LRRC37B: variants seen among roughly 807,000 people sequenced by gnomAD.
LRRC37B encodes the protein leucine-rich repeat-containing protein 37B.
LRRC37B carries 28 observed loss-of-function variants against 98.3 expected under a neutral mutation model. The ratio of observed to expected loss-of-function variants is 0.28; its 90% CI spans 0.21 to 0.39. The LOEUF (loss-of-function observed/expected upper bound fraction) is 0.39, where lower values mean the gene tolerates loss of function less well. LRRC37B is among the 10% of genes least tolerant of loss of function. The probability of loss-of-function intolerance (pLI) is 1.00; values close to 1 mark genes in which losing one functional copy is unlikely to be tolerated. For synonymous variants in LRRC37B, 364 were observed against 442.7 expected (o/e 0.82, Z 2.23); for missense variants, 938 against 1,182.7 (o/e 0.79, Z 3.03).
At chr17:32,045,842 A>G in intron 8 of LRRC37B, 24 bp downstream of exon 11, 1 of 1,588,748 alleles carries the variant, frequency 6.3e-7, no homozygotes, top group Non-Finnish European at 8.5e-7. Flanking sequence ...GCCTGGTGAT[A>G]AATTGTTACA....
In LRRC37B at chr17:32,021,873, G is replaced by A. The variant is rs780360456; in HGVS notation, c.808G>A (p.Val270Met). The A allele has an allele frequency of 3.1e-6, 5 of 1,614,132 alleles. No homozygotes were observed. In the South Asian group the frequency reaches 4.4e-5, roughly 14 times the overall value. The change falls in exon 1 of 12, where the codon GTG becomes ATG. Residue 270 changes from valine (V) to methionine (M), a missense_variant. Physicochemically the swap from Val to Met is conservative, Grantham distance 21. Around this residue, in one of 2 missense-constraint regions of LRRC37B, gnomAD observed 610 missense variants for 625.6 expected, o/e 0.98. Transcript: ENST00000327564. ...CGGCAGCCTACCTCCAGAACTCCGGGTGAACGCAGATGAGCCTCCAGGGCC... is the reference window on the plus strand; with the variant it reads ...CGGCAGCCTACCTCCAGAACTCCGGATGAACGCAGATGAGCCTCCAGGGCC...
rs201928531 is a variant in LRRC37B, at chr17:32,049,398, A to G, written c.2757+4A>G. 6.8e-4 allele frequency: 1,085 copies of G among 1,605,698 alleles called. No individual in the cohort carries two copies. The highest frequency in any genetic ancestry group is 8.6e-4 in the Non-Finnish European group (1,005 of 1,174,266). ...GAAAGAGCAGAAGTCAAGTGAGGTG[A>G]GGACCACACAGAAACATGAGACCCA... On this transcript the variant is annotated splice_donor_region_variant and intron_variant, in intron 10 of 11. Coordinates refer to ENST00000327564, the Ensembl canonical transcript of LRRC37B.
At chr17:32,052,427 A>T (rs1204724225) in intron 11 of LRRC37B, 1 of 152,002 alleles carries the variant, frequency 6.6e-6, no homozygotes, top group Non-Finnish European at 1.5e-5. Flanking sequence ...CCTTTTTTTC[A>T]TACTTTTAAG....
At chr17:32,022,965 C>A in intron 1 of LRRC37B, 140 bp downstream of exon 4, 2 of 759,442 alleles carry the variant, frequency 2.6e-6, no homozygotes. Context: ...CCTGTCAATT[C>A]TCCCTTCTCC....
chr17:32,035,164 C>T (rs1159364682), intron 6 of LRRC37B, among the ~76,000 whole-genome samples, 183 bp downstream of exon 9: 4 of 151,850 alleles, frequency 2.6e-5, no homozygotes, highest in Admixed American at 2.0e-4. Flanking sequence ...AGACAGCCAG[C>T]GGGGGAAGAG....
In LRRC37B at chr17:32,037,169, T is replaced by G. The variant is rs573346709; in HGVS notation, c.2204+1530T>G. Among the ~76,000 whole-genome samples, 781 of 151,952 alleles carry G rather than the reference T, an allele frequency of 5.1e-3. 5 individuals are homozygous for G. Among genetic ancestry groups the G allele is most frequent in the African/African-American group, 0.017 (724 of 41,452 alleles). Reference sequence around the variant, plus strand: ...CTAATTTTTATATTTTTAGTAGAGATAGGGTTTCACCATGTTGGCCAGGCT... The same window carrying G: ...CTAATTTTTATATTTTTAGTAGAGAGAGGGTTTCACCATGTTGGCCAGGCT... On this transcript the variant is annotated intron_variant, in intron 7 of 11. Coordinates refer to ENST00000327564, the Ensembl canonical transcript of LRRC37B.
intron 1 of LRRC37B, among the ~76,000 whole-genome samples, chr17:32,023,566 C>T (rs1403962512): frequency 6.6e-6 from 1 of 152,168 alleles, no homozygotes; most frequent in Non-Finnish European, 1.5e-5. Flanking sequence ...GCAAGTTATT[C>T]TGCTCTGTGA....
intron 1 of LRRC37B, 21 bp from the exon 5 acceptor site, chr17:32,024,690 A>C (rs761360726): frequency 5.0e-6 from 8 of 1,607,802 alleles, no homozygotes; most frequent in Non-Finnish European, 5.9e-6. Flanking sequence ...ATTCAAGGAT[A>C]TAAACTGTCT....
chr17:32,042,658 C>G (rs1476686831), intron 7 of LRRC37B: 1 of 152,740 alleles, frequency 6.5e-6, no homozygotes, highest in Non-Finnish European at 1.5e-5. Flanking sequence ...CATTCCCTTC[C>G]CCCTGAGGCC....
chr17:32,032,869 A>G (rs1911147722), intron 5 of LRRC37B, among the ~76,000 whole-genome samples: 1 of 152,182 alleles, frequency 6.6e-6, no homozygotes, highest in African/African-American at 2.4e-5. Flanking sequence ...GGAGTCCCAC[A>G]TCAGAATCTG....
At chr17:32,022,819 C>G in exon 1 of LRRC37B, 1 of 1,613,668 alleles carries the variant, frequency 6.2e-7, no homozygotes, top group Non-Finnish European at 8.5e-7. Flanking sequence ...GGCATCTTCA[C>G]CACCTTGTAA....
chr17:32,049,944 T>G lies in LRRC37B; in HGVS notation c.2758-59T>G, dbSNP rs1911700166. 9.4e-6 allele frequency: 10 copies of G among 1,063,954 alleles called. No homozygotes were observed. In the South Asian group the frequency reaches 1.2e-4, roughly 13 times the overall value. The allele number at this position is 1,063,954 out of a possible 1,614,324, so 65.9% of individuals were successfully genotyped here. ...GGGGTTTTGAAAAGTTAGCTTCCAT[T>G]CTCTCTCTCTTTTTTTTTAATTGTT... On this transcript the variant is annotated intron_variant, in intron 10 of 11. Transcript: ENST00000327564.
chr17:32,025,507 G>A (rs1195574289), intron 2 of LRRC37B, among the ~76,000 whole-genome samples: 1 of 151,442 alleles, frequency 6.6e-6, no homozygotes, highest in Non-Finnish European at 1.5e-5. Context: ...TAGATTTGTT[G>A]TGTGGTTTTT....
upstream of LRRC37B, among the ~76,000 whole-genome samples, chr17:32,016,456 C>T (rs904258325): frequency 3.9e-5 from 6 of 152,148 alleles, no homozygotes; most frequent in Admixed American, 1.3e-4. Flanking sequence ...CTTTGGCTTC[C>T]GTTTGCATCA....
chr17:32,022,289 T>TA lies in LRRC37B; in HGVS notation c.1225dup (p.Thr409AsnfsTer14). On this transcript the variant is annotated frameshift_variant, in exon 1 of 12. Coordinates refer to ENST00000327564, the Ensembl canonical transcript of LRRC37B. LOFTEE classifies it high-confidence loss of function. Reference sequence around the variant, plus strand: ...CTCCCGAGGAGGCGGAACCTTCTTCTACAGCCCTGAGGACTACAGATCCTC... The same window carrying TA: ...CTCCCGAGGAGGCGGAACCTTCTTCTAACAGCCCTGAGGACTACAGATCCTC... 1 of 1,613,950 alleles carries TA rather than the reference T, an allele frequency of 6.2e-7. No individual in the cohort carries two copies. Among genetic ancestry groups the TA allele is most frequent in the Non-Finnish European group, 8.5e-7 (1 of 1,179,860 alleles).
chr17:32,037,847 C>T (rs1911293633), intron 7 of LRRC37B, among the ~76,000 whole-genome samples: 1 of 152,026 alleles, frequency 6.6e-6, no homozygotes, highest in Admixed American at 6.5e-5. Flanking sequence ...GTGGCTCATG[C>T]CTGTAATCCC....
At chr17:32,033,833 AAATG>A (rs1407725234) in intron 5 of LRRC37B, 1 of 152,254 alleles carries the variant, frequency 6.6e-6, no homozygotes, top group Non-Finnish European at 1.5e-5. Context: ...ATTCACATCA[AAATG>A]AATTTATTCA....
At chr17:32,051,546 C>G (rs999497675) in intron 11 of LRRC37B, 2 of 151,722 alleles carry the variant, frequency 1.3e-5, no homozygotes, top group Non-Finnish European at 2.9e-5. Flanking sequence ...TGAGCCTAGT[C>G]CCTTTTTGAG....
chr17:32,022,257 A>G lies in LRRC37B; in HGVS notation c.1192A>G (p.Ile398Val), dbSNP rs558903722. 28 of 1,613,896 alleles carry G rather than the reference A, an allele frequency of 1.7e-5. No individual in the cohort carries two copies. The highest frequency in any genetic ancestry group is 6.7e-5 in the East Asian group (3 of 44,870). ...TACCCAAGCCCAGCAGGAGGCCCCA[A>G]TTCAGCCTCCCGAGGAGGCGGAACC... Residue 398 changes from isoleucine to valine, a missense_variant, in exon 1 of 12, where the codon ATT becomes GTT. Ile to Val is a conservative substitution (Grantham distance 29). Coordinates refer to ENST00000327564, the Ensembl canonical transcript of LRRC37B.
Sources: allele counts gnomAD v4.1 joint callset (sites outside exome capture counted in the v4.1 genomes callset), GRCh38; gene constraint gnomAD v4.1.1; regional missense constraint gnomAD v4.1.1; transcripts MANE v1.5; gene names NCBI Gene and HGNC (gene_info 2026-07-23, HGNC 2026-07-21).